The following XPC variants were observed in gnomAD, a reference collection of about 807,000 sequenced individuals.
XPC encodes the protein DNA repair protein complementing XP-C cells.
In XPC, 76 loss-of-function variants were observed where a neutral mutation model predicts 95.8. The observed-to-expected ratio is 0.79, with a 90% confidence interval of 0.66 to 0.96. The LOEUF is 0.96. Ranked by LOEUF, XPC falls within the 40% of genes least tolerant of loss-of-function variation. The pLI is 0.00. For missense variants in XPC, 1,146 were observed against 1,179.8 expected, an observed-to-expected ratio of 0.97 and a Z score of 0.42; for synonymous variants, 442 against 442.1, an observed-to-expected ratio of 1.00 and a Z score of 0.00.
rs192970799 is a variant in XPC at position 14,168,445 on chromosome 3, C to T, written c.413-65G>A. On this transcript the variant is annotated intron_variant, in intron 3 of 15. Transcript: ENST00000285021. The stretch of plus-strand genomic sequence containing the variant: ...CAATAATAATAGCTACTGTACTGAA[C>T]AGAATCAAGGTTCTGCTGGGAAGGA... 2.9e-3 allele frequency: 4,656 copies of T among 1,587,358 alleles called. 14 individuals are homozygous for T. Among genetic ancestry groups the T allele is most frequent in the Middle Eastern group, 0.012 (69 of 5,972 alleles).
At position 14,164,511 on chromosome 3, in the gene XPC, T is replaced by C. The variant is rs532228455; in HGVS notation, c.900+302A>G. On this transcript the variant is annotated intron_variant, in intron 7 of 15. Coordinates refer to ENST00000285021, the MANE Select transcript of XPC (RefSeq NM_004628.5). ...AAAATTGGAAAAATTAATGAAAATA[T>C]TTCTAGCACATCTGACCAAAAACTA... is the stretch of plus-strand genomic sequence containing the variant. 2.5e-4 allele frequency: 65 copies of C among 255,096 alleles called. 1 individual carries two copies. In the South Asian group the frequency reaches 5.4e-3, roughly 21 times the overall value. The allele number at this position is 255,096 out of a possible 1,614,324, so 15.8% of individuals were successfully genotyped here.
At chr3:14,168,558 G>T (rs1349822845) in intron 3 of XPC, among the ~76,000 whole-genome samples, 178 bp from the exon 4 acceptor site, 2 of 151,876 alleles carry the variant, frequency 1.3e-5, no homozygotes, top group African/African-American at 4.8e-5. Context: ...CGGGCAGTGT[G>T]CTGAGTGTTA....
intron 7 of XPC, among the ~76,000 whole-genome samples, chr3:14,161,629 T>TGAAA (rs1407438423): frequency 8.1e-6 from 1 of 122,850 alleles, no homozygotes; most frequent in Admixed American, 8.5e-5. Flanking sequence ...CTTTCATGAT[T>TGAAA]AAAAAAAAAA....
intron 8 of XPC, among the ~76,000 whole-genome samples, chr3:14,159,159 A>C (rs917221776): frequency 6.6e-6 from 1 of 152,218 alleles, no homozygotes; most frequent in East Asian, 1.9e-4. Flanking sequence ...GGACAGCCAA[A>C]CATGGGTCTG....
At chr3:14,157,347 C>A (rs1695957768) in intron 9 of XPC, among the ~76,000 whole-genome samples, 1 of 152,078 alleles carries the variant, frequency 6.6e-6, no homozygotes, top group Admixed American at 6.5e-5. Context: ...TGGAAATAAA[C>A]CTGCGACAAA....
At chr3:14,146,966 C>T (rs1039412624) in intron 15 of XPC, among the ~76,000 whole-genome samples, 7 of 152,186 alleles carry the variant, frequency 4.6e-5, no homozygotes, top group East Asian at 1.9e-4. Flanking sequence ...CACTGGAAGG[C>T]GGAAGGGTGC....
rs1443330846 is a variant in XPC at position 14,145,587 on chromosome 3, G to A, written c.*354C>T. The A allele has an allele frequency of 1.4e-6, 1 of 699,608 alleles. No homozygotes were observed. The highest frequency in any genetic ancestry group is 2.0e-5 in the Admixed American group (1 of 50,002). The allele number at this position is 699,608 out of a possible 1,614,324, so 43.3% of individuals were successfully genotyped here. A position where few individuals can be genotyped will look rare whatever the true frequency, so the allele number is the denominator to read the frequency against. The stretch of plus-strand genomic sequence containing the variant: ...TGCACCACCATCCAGAAATCTCCCG[G>A]TGGCTTCCATACAAAAACTGATGTT... On this transcript the variant is annotated 3_prime_UTR_variant, in exon 16 of 16. Transcript: ENST00000285021.
At position 14,159,833 on chromosome 3, in the gene XPC, A is replaced by G. The variant is rs938547854; in HGVS notation, c.901-3T>C. ...GCCCGGAGAATCAGTAAGAATATCT[A>G]TGATGAAAAGGAAGAACATAGTTAT... On this transcript the variant is annotated splice_polypyrimidine_tract_variant and splice_region_variant and intron_variant, in intron 7 of 15. Transcript: ENST00000285021. 2.6e-6 allele frequency: 4 copies of G among 1,552,962 alleles called. No individual in the cohort carries two copies. Among genetic ancestry groups the G allele is most frequent in the African/African-American group, 1.4e-5 (1 of 73,214 alleles).
Position 14,158,193 on chromosome 3 carries a change from T to C in XPC, c.1690A>G (p.Lys564Glu). 1 of 1,613,984 alleles carries C rather than the reference T, an allele frequency of 6.2e-7. No individual in the cohort carries two copies. Among genetic ancestry groups the C allele is most frequent in the Non-Finnish European group, 8.5e-7 (1 of 1,179,880 alleles). The change falls in exon 9 of 16, where the codon AAG becomes GAG. Residue 564 changes from lysine to glutamate, a missense_variant. Lys to Glu is a moderately conservative substitution (Grantham distance 56). Coordinates refer to ENST00000285021, the MANE Select transcript of XPC (RefSeq NM_004628.5). This position sits in a 1 kb window ranked among gnomAD's most constrained non-coding sequence, Gnocchi z 5.2. Reference sequence around the variant, plus strand: ...ATGCCCACCACATAGGTCATGGGCTTGGTGGCGTACTTGTAACAGGTCAGA... The same window carrying C: ...ATGCCCACCACATAGGTCATGGGCTCGGTGGCGTACTTGTAACAGGTCAGA... Reference protein sequence around the residue: ...QPLTCYKYATKPMTYVVGIDS... With the variant: ...QPLTCYKYATEPMTYVVGIDS...
At chr3:14,157,606 TG>T in intron 9 of XPC, among the ~76,000 whole-genome samples, 1 of 152,286 alleles carries the variant, frequency 6.6e-6, no homozygotes, top group Non-Finnish European at 1.5e-5. Flanking sequence ...GAGTGTTCTA[TG>T]TATGAGGGGT....
rs1440928840 is a variant in XPC, at chr3:14,155,291, C to T, written c.2033+1044G>A. On this transcript the variant is annotated intron_variant, in intron 10 of 15. Coordinates refer to ENST00000285021, the MANE Select transcript of XPC (RefSeq NM_004628.5). The stretch of plus-strand genomic sequence containing the variant: ...ACGCTTCCTTTTTCTCTTTTCTGTA[C>T]CTTCCTGTTTTCTCATTTATTAAGA... 3.3e-5 allele frequency among the ~76,000 whole-genome samples: 5 copies of T among 152,322 alleles called. No individual in the cohort carries two copies. In the East Asian group the frequency reaches 9.6e-4, roughly 29 times the overall value.
At position 14,165,024 on chromosome 3, in the gene XPC, C is replaced by A. The variant is rs552170187; in HGVS notation, c.780-91G>T. 6.0e-6 allele frequency: 9 copies of A among 1,491,778 alleles called. No homozygotes were observed. The South Asian group carries it at 1.1e-4, about 18-fold the overall frequency. 92.4% of individuals were successfully genotyped at this position (1,491,778 alleles called of 1,614,324 possible). On this transcript the variant is annotated intron_variant, in intron 6 of 15. Coordinates refer to ENST00000285021, the MANE Select transcript of XPC (RefSeq NM_004628.5). ...AAGAAAATAAAAAGAGGGAGTGAAT[C>A]GTGAGACCCGCCTGCCTCTGTCCTA... is the stretch of plus-strand genomic sequence containing the variant.
At chr3:14,176,833 G>C (rs1461263766) in intron 1 of XPC, among the ~76,000 whole-genome samples, 1 of 152,248 alleles carries the variant, frequency 6.6e-6, no homozygotes, top group Non-Finnish European at 1.5e-5. Context: ...GGGCGCAGTG[G>C]CTCATGCCTG....
At chr3:14,152,633 A>T (rs777156012) in intron 10 of XPC, 1 of 492,700 alleles carries the variant, frequency 2.0e-6, no homozygotes, top group Non-Finnish European at 3.6e-6. Flanking sequence ...ACAAACCCTA[A>T]TCTGCAGCCT....
In XPC at chr3:14,158,281, C is replaced by T. The variant is rs1476120550; in HGVS notation, c.1602G>A (p.Val534=). The part of the protein sequence containing the change: ...SIAGIDQWLE[V]FCEQEEKWVC... ...CCCACTTTTCCTCCTGCTCACAGAA[C>T]ACCTCTAGCCACTGGTCTATACCAG... is the stretch of plus-strand genomic sequence containing the variant. Residue 534 remains valine, a synonymous_variant, in exon 9 of 16, where the codon GTG becomes GTA. Transcript: ENST00000285021. This position sits in a 1 kb window ranked among gnomAD's most constrained non-coding sequence, Gnocchi z 5.2. 6.2e-7 allele frequency: 1 copy of T among 1,614,050 alleles called. No individual in the cohort carries two copies. Among genetic ancestry groups the T allele is most frequent in the East Asian group, 2.2e-5 (1 of 44,880 alleles).
At position 14,148,921 on chromosome 3, in the gene XPC, G is replaced by C; in HGVS notation, c.2143C>G (p.Arg715Gly). ...KMVKGFSNRA[R>G]KARLAEPQLR... ...TGGGGCTCAGCAAGTCGGGCTTTCC[G>C]AGCACGGTTAGAAAAGCCTTTCACC... is the stretch of plus-strand genomic sequence containing the variant. The change falls in exon 12 of 16, where the codon CGG (arginine) becomes GGG (glycine). Residue 715 changes from arginine (R) to glycine (G), a missense_variant. Transcript: ENST00000285021. 1 of 1,613,922 alleles carries C rather than the reference G, an allele frequency of 6.2e-7. No homozygotes were observed. The highest frequency in any genetic ancestry group is 2.2e-5 in the East Asian group (1 of 44,880).
intron 7 of XPC, 194 bp from the exon 8 acceptor site, chr3:14,160,024 G>A (rs1696106600): frequency 3.7e-6 from 2 of 540,394 alleles, no homozygotes; most frequent in Admixed American, 3.7e-5. Flanking sequence ...AGAAGAACAG[G>A]AACATGCTCA....
In XPC at chr3:14,158,804, G is replaced by A; in HGVS notation, c.1079C>T (p.Pro360Leu). The A allele has an allele frequency of 1.2e-6, 2 of 1,613,868 alleles. No homozygotes were observed. The highest frequency in any genetic ancestry group is 1.7e-6 in the Non-Finnish European group (2 of 1,179,862). The change falls in exon 9 of 16, where the codon CCA becomes CTA. Residue 360 changes from proline to leucine, a missense_variant. Physicochemically the swap from Pro to Leu is moderately conservative, Grantham distance 98 (BLOSUM62 -3). Coordinates refer to ENST00000285021, the MANE Select transcript of XPC (RefSeq NM_004628.5). This position sits in a 1 kb window ranked among gnomAD's most constrained non-coding sequence, Gnocchi z 5.2. ...SSQVLENHTK[P>L]KTSKGTKQEE... ...TTGTTTGGTTCCTTTGCTGGTCTTTGGTTTGGTGTGGTTTTCTAGAACTTG... is the reference window on the plus strand; with the variant it reads ...TTGTTTGGTTCCTTTGCTGGTCTTTAGTTTGGTGTGGTTTTCTAGAACTTG...
rs1696046168 is a variant in XPC, at chr3:14,158,756, G to A, written c.1127C>T (p.Thr376Ile). 2 of 1,613,776 alleles carry A rather than the reference G, an allele frequency of 1.2e-6. No homozygotes were observed. The highest frequency in any genetic ancestry group is 1.3e-5 in the African/African-American group (1 of 74,880). Residue 376 changes from threonine to isoleucine, a missense_variant, in exon 9 of 16, where the codon ACC (threonine) becomes ATC (isoleucine). By Grantham distance (89) the Thr-to-Ile change is moderately conservative. Coordinates refer to ENST00000285021, the MANE Select transcript of XPC (RefSeq NM_004628.5). The surrounding 1 kb of genome is among the most constrained non-coding windows in gnomAD (Gnocchi z 5.2). ...TKQEETFAKG[T>I]CRPSAKGKRN... ...CTTCCCTTTGGCACTTGGCCTGCAG[G>A]TGCCCTTAGCAAAGGTTTCCTCTTG...
Sources: gnomAD v4.1 joint callset for allele counts (sites outside exome capture counted in the v4.1 genomes callset) on GRCh38, gnomAD v4.1.1 for gene constraint, Gnocchi (gnomAD v3.1) non-coding constraint, MANE v1.5 for transcripts, NCBI Gene and HGNC (gene_info 2026-07-23, HGNC 2026-07-21) for gene names.